PCDHGB2: variants seen among roughly 807,000 people sequenced by gnomAD.
The protein encoded by PCDHGB2 is protocadherin gamma subfamily B, 2.
PCDHGB2 carries 55 observed loss-of-function variants against 59.3 expected under a neutral mutation model. The observed-to-expected ratio is 0.93, with a 90% CI of 0.75 to 1.16. PCDHGB2 has a LOEUF of 1.16. PCDHGB2 is among the 50% of genes most tolerant of loss of function. The pLI is 0.00. For missense variants in PCDHGB2, 1,228 were observed against 1,198.5 expected (o/e 1.02, Z -0.36); for synonymous variants, 516 against 512.0 (o/e 1.01, Z -0.11).
chr5:141,385,490 G>A, intron 1 of PCDHGB2: 15 of 1,399,988 alleles, frequency 1.1e-5, no homozygotes, highest in East Asian at 2.6e-5. Context: ...AGAACACATA[G>A]GATATAGTAT....
At chr5:141,364,923 A>G (rs1286445808) in intron 1 of PCDHGB2, 1 of 1,613,974 alleles carries the variant, frequency 6.2e-7, no homozygotes, top group Non-Finnish European at 8.5e-7. Context: ...GTGTTGGAAC[A>G]GCCCCTAGAC....
At chr5:141,405,145 G>A (rs772542898) in intron 1 of PCDHGB2, 4 of 1,613,952 alleles carry the variant, frequency 2.5e-6, no homozygotes, top group African/African-American at 2.7e-5. Context: ...CCAGTGATGG[G>A]TTGGCTGGTG....
Position 141,487,910 on chromosome 5 carries a change from C to T in PCDHGB2, c.2422-6897C>T, listed in dbSNP as rs2099668803. The T allele has an allele frequency of 3.0e-6, 2 of 661,468 alleles. No individual in the cohort carries two copies. Among genetic ancestry groups the T allele is most frequent in the Non-Finnish European group, 5.1e-6 (2 of 388,904 alleles). The allele number at this position is 661,468 out of a possible 1,614,324, so 41.0% of individuals were successfully genotyped here. ...AGCATGATGATGGAATGTGGGAGCA[C>T]AGGAGGCTACAGTGCACAGGGTACA... On this transcript the variant is annotated intron_variant, in intron 1 of 3. Transcript: ENST00000522605. The surrounding 1 kb of genome is among the most constrained non-coding windows in gnomAD (Gnocchi z 5.0).
intron 1 of PCDHGB2, among the ~76,000 whole-genome samples, chr5:141,468,089 T>C (rs1349447353): frequency 6.6e-6 from 1 of 151,010 alleles, no homozygotes; most frequent in Non-Finnish European, 1.5e-5. Context: ...CTTTGGGAGG[T>C]TGAGGCAGGC....
intron 1 of PCDHGB2, chr5:141,408,047 A>C (rs1038145479): frequency 2.4e-6 from 3 of 1,243,316 alleles, no homozygotes; most frequent in Non-Finnish European, 3.2e-6. Context: ...GCTCCCACAC[A>C]GAGCCTCCCG....
In PCDHGB2 at chr5:141,485,556, A is replaced by T; in HGVS notation, c.2422-9251A>T. On this transcript the variant is annotated intron_variant, in intron 1 of 3. Coordinates refer to ENST00000522605, the MANE Select transcript of PCDHGB2 (RefSeq NM_018923.3). This position sits in a 1 kb window ranked among gnomAD's most constrained non-coding sequence, Gnocchi z 5.7. ...GAGGTAGAGATCGTAGATGTGAATG[A>T]TCACGCCCCCCGTTTTCCGCGGCAG... is the stretch of plus-strand genomic sequence containing the variant. The T allele has an allele frequency of 6.2e-7, 1 of 1,613,664 alleles. No homozygotes were observed. Among genetic ancestry groups the T allele is most frequent in the Non-Finnish European group, 8.5e-7 (1 of 1,179,644 alleles).
At chr5:141,389,388 T>C (rs375763465) in intron 1 of PCDHGB2, 34 of 1,613,602 alleles carry the variant, frequency 2.1e-5, no homozygotes, top group Non-Finnish European at 2.6e-5. Context: ...GCTGTCATCC[T>C]ACGTGTCCAT....
chr5:141,449,592 A>C (rs1344646010), intron 1 of PCDHGB2, among the ~76,000 whole-genome samples: 1 of 150,266 alleles, frequency 6.7e-6, no homozygotes, highest in African/African-American at 2.4e-5. Context: ...CTGTCTCAAA[A>C]AAAAAAAAAA....
chr5:141,509,059 C>T (rs1313349089), intron 3 of PCDHGB2, among the ~76,000 whole-genome samples: 2 of 152,182 alleles, frequency 1.3e-5, no homozygotes, highest in Non-Finnish European at 2.9e-5. Flanking sequence ...CCAGAAAGCT[C>T]TCAGCTCCGG....
rs778586702 is a variant in PCDHGB2, at chr5:141,404,963, A to G, written c.2421+42407A>G. 8.7e-6 allele frequency: 14 copies of G among 1,613,744 alleles called. No homozygotes were observed. In the South Asian group the frequency reaches 1.5e-4, roughly 18 times the overall value. ...AGCCATAGCTGACAGCATCCCAGAC[A>G]TCCTGGCTGACCTGGGCAGTCTTCA... On this transcript the variant is annotated intron_variant, in intron 1 of 3. Transcript: ENST00000522605.
At chr5:141,374,560 C>A (rs185125730) in intron 1 of PCDHGB2, 12 of 1,613,708 alleles carry the variant, frequency 7.4e-6, no homozygotes, top group African/African-American at 1.3e-5. Context: ...AGGTCTATGA[C>A]CCTGATGTGG....
At chr5:141,478,108 G>A (rs1160328367) in intron 1 of PCDHGB2, 1 of 1,614,046 alleles carries the variant, frequency 6.2e-7, no homozygotes, top group Admixed American at 1.7e-5. Flanking sequence ...CCCTCACTGT[G>A]TCAGTAACCG....
Position 141,424,520 on chromosome 5 carries a change from A to T in PCDHGB2, c.2421+61964A>T, listed in dbSNP as rs527395935. ...GTATGGAAGGTTTTTTAATGTAGTA[A>T]ATCCATATATAGAAATAACTTGATT... is the stretch of plus-strand genomic sequence containing the variant. On this transcript the variant is annotated intron_variant, in intron 1 of 3. Coordinates refer to ENST00000522605, the MANE Select transcript of PCDHGB2 (RefSeq NM_018923.3). 15 of 152,286 alleles carry T rather than the reference A, an allele frequency of 9.8e-5. No individual in the cohort carries two copies. In the East Asian group the frequency reaches 2.9e-3, roughly 29 times the overall value. The allele number at this position is 152,286 out of a possible 1,614,324, so 9.4% of individuals were successfully genotyped here. A position where few individuals can be genotyped will look rare whatever the true frequency, so the allele number is the denominator to read the frequency against.
At chr5:141,364,349 G>C (rs758855393) in intron 1 of PCDHGB2, 1 of 1,549,456 alleles carries the variant, frequency 6.5e-7, no homozygotes, top group Middle Eastern at 1.7e-4. Flanking sequence ...TCCACCTAGG[G>C]GCTGGGGCTG....
intron 1 of PCDHGB2, chr5:141,375,627 A>AGGAG (rs773199374): frequency 2.9e-5 from 46 of 1,613,948 alleles, no homozygotes; most frequent in Non-Finnish European, 3.6e-5. Flanking sequence ...GGGATTCTGT[A>AGGAG]CGCCCTGCGC....
intron 1 of PCDHGB2, chr5:141,414,320 A>G: frequency 1.9e-6 from 3 of 1,613,840 alleles, no homozygotes; most frequent in Middle Eastern, 1.6e-4. Flanking sequence ...GACTCTGAGC[A>G]GAATGGACAG....
intron 1 of PCDHGB2, chr5:141,400,274 G>C: frequency 6.2e-7 from 1 of 1,614,032 alleles, no homozygotes; most frequent in Non-Finnish European, 8.5e-7. Flanking sequence ...CGCTCCTCCA[G>C]CCCTGCCGCC....
At chr5:141,443,952 A>T (rs1355073040) in intron 1 of PCDHGB2, among the ~76,000 whole-genome samples, 4 of 152,134 alleles carry the variant, frequency 2.6e-5, no homozygotes, top group Non-Finnish European at 4.4e-5. Context: ...CCTTATTGGT[A>T]TGTATTCTGT....
chr5:141,382,147 C>A (rs1343948050), intron 1 of PCDHGB2, among the ~76,000 whole-genome samples: 1 of 151,884 alleles, frequency 6.6e-6, no homozygotes, highest in East Asian at 1.9e-4. Context: ...ATTTTTTAAA[C>A]GGTTAAAATG....
Sources: gnomAD v4.1 joint callset for allele counts (sites outside exome capture counted in the v4.1 genomes callset) on GRCh38, gnomAD v4.1.1 for gene constraint, Gnocchi (gnomAD v3.1) non-coding constraint, MANE v1.5 for transcripts, NCBI Gene and HGNC (gene_info 2026-07-23, HGNC 2026-07-21) for gene names.